GALNT17: variants seen among roughly 807,000 people sequenced by gnomAD.
GALNT17 encodes the protein polypeptide N-acetylgalactosaminyltransferase 17.
A neutral mutation model predicts 63.7 loss-of-function variants in GALNT17; 29 were observed. The observed-to-expected ratio is 0.46, with a 90% CI of 0.34 to 0.62. GALNT17 has a LOEUF of 0.62. Among genes scored for constraint, GALNT17 ranks in the 20% least tolerant of loss-of-function variants. The pLI is 0.01. For missense variants in GALNT17, 603 were observed against 799.6 expected (o/e 0.75, Z 2.97); for synonymous variants, 305 against 318.3 (o/e 0.96, Z 0.45).
At chr7:71,182,720 G>A (rs1180364292) in intron 1 of GALNT17, among the ~76,000 whole-genome samples, 1 of 152,016 alleles carries the variant, frequency 6.6e-6, no homozygotes, top group African/African-American at 2.4e-5. Flanking sequence ...CTTGTGTCCT[G>A]GGGAGGGCAG....
At chr7:71,186,547 TAGC>T (rs1788854626) in intron 1 of GALNT17, among the ~76,000 whole-genome samples, 1 of 152,194 alleles carries the variant, frequency 6.6e-6, no homozygotes, top group South Asian at 2.1e-4. Flanking sequence ...GGCTTGGACT[TAGC>T]AGGTGGGAGA....
intron 1 of GALNT17, among the ~76,000 whole-genome samples, chr7:71,265,118 A>ATATTTTTTTTTTT (rs1390488895): frequency 2.4e-4 from 9 of 37,454 alleles, no homozygotes; most frequent in Non-Finnish European, 4.1e-4. Flanking sequence ...ATATATATAT[A>ATATTTTTTTTTTT]TTTTTTTTTT....
At chr7:71,278,521 G>A (rs976764100) in intron 1 of GALNT17, among the ~76,000 whole-genome samples, 10 of 152,206 alleles carry the variant, frequency 6.6e-5, no homozygotes, top group East Asian at 3.9e-4. Flanking sequence ...GACCTTTGTC[G>A]TAATATGTTC....
At chr7:71,153,849 A>T (rs754719286) in intron 1 of GALNT17, among the ~76,000 whole-genome samples, 78 of 152,144 alleles carry the variant, frequency 5.1e-4, no homozygotes, top group Non-Finnish European at 9.6e-4. Context: ...CGGAACTTGC[A>T]GTAAACCAAG....
rs1214195779 is a variant in GALNT17, at chr7:71,693,303, C to CATATATAT, written c.1500+15998_1500+15999insTATATATA. On this transcript the variant is annotated intron_variant, in intron 9 of 10. Coordinates refer to ENST00000333538, the MANE Select transcript of GALNT17 (RefSeq NM_022479.3). ...ACACACACACACACACACACACACA[C>CATATATAT]ACACACATATATATATATGGAGACA... Among the ~76,000 whole-genome samples, 30 of 121,986 alleles carry CATATATAT rather than the reference C, an allele frequency of 2.5e-4. 3 individuals are homozygous for CATATATAT. In the East Asian group the frequency reaches 7.6e-3, roughly 31 times the overall value. The allele number at this position is 121,986 out of a possible 152,430, so 80.0% of individuals were successfully genotyped here. A position where few individuals can be genotyped will look rare whatever the true frequency, so the allele number is the denominator to read the frequency against.
intron 5 of GALNT17, among the ~76,000 whole-genome samples, chr7:71,439,510 G>A (rs758834721): frequency 4.0e-4 from 61 of 152,156 alleles, no homozygotes; most frequent in Non-Finnish European, 1.2e-4. Flanking sequence ...AACTTTCTCT[G>A]CGATGACAAG....
At chr7:71,644,111 TA>T (rs1257077053) in intron 6 of GALNT17, among the ~76,000 whole-genome samples, 2 of 152,142 alleles carry the variant, frequency 1.3e-5, no homozygotes, top group African/African-American at 4.8e-5. Flanking sequence ...GTGTGCATTT[TA>T]AAACTCTGGG....
At chr7:71,437,829 C>T (rs1295125888) in intron 5 of GALNT17, among the ~76,000 whole-genome samples, 2 of 152,178 alleles carry the variant, frequency 1.3e-5, no homozygotes, top group African/African-American at 4.8e-5. Context: ...ATCTTCCCAC[C>T]TTAGTTGCCC....
At chr7:71,673,398 C>T (rs1274097914) in intron 8 of GALNT17, among the ~76,000 whole-genome samples, 2 of 151,848 alleles carry the variant, frequency 1.3e-5, no homozygotes, top group African/African-American at 4.8e-5. Context: ...TACCATAATG[C>T]TTAAGAGGAA....
At chr7:71,259,644 TTG>T (rs1424198599) in intron 1 of GALNT17, among the ~76,000 whole-genome samples, 110 of 147,016 alleles carry the variant, frequency 7.5e-4, no homozygotes, top group African/African-American at 2.6e-3. Flanking sequence ...TTTTGTTTTT[TTG>T]TTTTTTTTTT....
At chr7:71,525,736 C>CTTTT (rs71089950) in intron 5 of GALNT17, among the ~76,000 whole-genome samples, 342 of 74,816 alleles carry the variant, frequency 4.6e-3, no homozygotes, top group Non-Finnish European at 6.4e-3. Flanking sequence ...TATGTCTTTT[C>CTTTT]TTTTTTTTTT....
chr7:71,218,350 G>A (rs113973391), intron 1 of GALNT17, among the ~76,000 whole-genome samples: 269 of 152,266 alleles, frequency 1.8e-3, no homozygotes, highest in African/African-American at 5.9e-3. Context: ...TTGTGTTTTT[G>A]TTCTTTCCTT....
intron 1 of GALNT17, among the ~76,000 whole-genome samples, chr7:71,163,749 G>A (rs922125029): frequency 4.6e-5 from 7 of 152,068 alleles, no homozygotes; most frequent in Non-Finnish European, 8.8e-5. Flanking sequence ...CTCTTAGATA[G>A]AGGCCAGATA....
At chr7:71,464,815 T>G (rs1213916865) in intron 5 of GALNT17, among the ~76,000 whole-genome samples, 1 of 152,126 alleles carries the variant, frequency 6.6e-6, no homozygotes, top group Non-Finnish European at 1.5e-5. Context: ...TTGTCTAGTC[T>G]TGTTCTCCCC....
intron 6 of GALNT17, among the ~76,000 whole-genome samples, chr7:71,641,789 G>T (rs997578320): frequency 2.0e-5 from 3 of 152,116 alleles, no homozygotes; most frequent in African/African-American, 7.2e-5. Flanking sequence ...AGAGCACTTT[G>T]CAAAGTGTCC....
chr7:71,292,484 T>A (rs946778828), intron 1 of GALNT17, among the ~76,000 whole-genome samples: 1 of 152,216 alleles, frequency 6.6e-6, no homozygotes, highest in Non-Finnish European at 1.5e-5. Context: ...GAATGTGAAC[T>A]GAGCATTTTT....
intron 2 of GALNT17, among the ~76,000 whole-genome samples, chr7:71,354,675 T>C (rs1180635732): frequency 6.6e-6 from 1 of 151,564 alleles, no homozygotes; most frequent in Non-Finnish European, 1.5e-5. Context: ...TAATTCATTC[T>C]CTCTCTCTCT....
intron 1 of GALNT17, among the ~76,000 whole-genome samples, chr7:71,299,625 C>T (rs985826800): frequency 1.3e-5 from 2 of 151,682 alleles, no homozygotes; most frequent in East Asian, 1.9e-4. Flanking sequence ...ATAGACATTG[C>T]CACTGTAGCG....
intron 6 of GALNT17, among the ~76,000 whole-genome samples, chr7:71,577,685 G>C (rs1789561225): frequency 6.6e-6 from 1 of 152,166 alleles, no homozygotes; most frequent in African/African-American, 2.4e-5. Flanking sequence ...CAAAGAACAA[G>C]CGTATTTTAA....
Sources: allele counts gnomAD v4.1 joint callset (sites outside exome capture counted in the v4.1 genomes callset), GRCh38; gene constraint gnomAD v4.1.1; transcripts MANE v1.5; gene names NCBI Gene and HGNC (gene_info 2026-07-23, HGNC 2026-07-21).